YIPF7: variants seen among roughly 807,000 people sequenced by gnomAD.
The protein encoded by YIPF7 is Yip1 domain family member 7, also known as protein YIPF7.
A neutral mutation model predicts 27.2 loss-of-function variants in YIPF7; 35 were observed. The observed-to-expected ratio is 1.29, with a 90% CI of 0.98 to 1.70. The LOEUF is 1.70. YIPF7 is among the 40% of genes most tolerant of loss of function. The pLI, the probability that YIPF7 is intolerant of heterozygous loss-of-function variation, is 0.00. For missense variants in YIPF7, 358 were observed against 303.7 expected (o/e 1.18, Z -1.33); for synonymous variants, 137 against 110.4 (o/e 1.24, Z -1.51).
At chr4:44,639,148 T>C (rs1247160089) in intron 2 of YIPF7, among the ~76,000 whole-genome samples, 1 of 152,178 alleles carries the variant, frequency 6.6e-6, no homozygotes, top group East Asian at 1.9e-4. Context: ...TGTTCATTTT[T>C]CTCAGAATTG....
At chr4:44,632,240 TAAA>T (rs1712928833) in intron 3 of YIPF7, among the ~76,000 whole-genome samples, 1 of 152,132 alleles carries the variant, frequency 6.6e-6, no homozygotes, top group Non-Finnish European at 1.5e-5. Context: ...TTGTACAAAA[TAAA>T]AGAAGATAAA....
chr4:44,628,882 G>A (rs903949631), intron 4 of YIPF7, among the ~76,000 whole-genome samples: 6 of 152,148 alleles, frequency 3.9e-5, no homozygotes, highest in Non-Finnish European at 7.4e-5. Flanking sequence ...AAATATGTAG[G>A]TTGAGTAAAC....
intron 2 of YIPF7, among the ~76,000 whole-genome samples, chr4:44,643,155 A>G (rs1000729908): frequency 6.6e-6 from 1 of 152,212 alleles, no homozygotes; most frequent in African/African-American, 2.4e-5. Flanking sequence ...TGGACAATGA[A>G]GTCTAGGCTG....
chr4:44,634,761 T>G (rs756185260), intron 3 of YIPF7, among the ~76,000 whole-genome samples: 2 of 152,150 alleles, frequency 1.3e-5, no homozygotes, highest in Admixed American at 1.3e-4. Context: ...ATTGAAGTAA[T>G]TTTTATATTT....
intron 4 of YIPF7, among the ~76,000 whole-genome samples, chr4:44,625,828 A>T (rs1712614992): frequency 6.6e-6 from 1 of 152,178 alleles, no homozygotes; most frequent in Admixed American, 6.5e-5. Context: ...AGCTACAGTT[A>T]AAAAAATTCA....
Position 44,643,559 on chromosome 4 carries a change from A to G in YIPF7, c.116+6426T>C, listed in dbSNP as rs77247585. 5.1e-4 allele frequency among the ~76,000 whole-genome samples: 77 copies of G among 152,334 alleles called. 1 individual carries two copies. In the East Asian group the frequency reaches 0.014, roughly 28 times the overall value. ...AAGTTAAAAAAAAGAGCCATGTGCT[A>G]TTAGTCAAGAAAACAGGAAAAGGAC... On this transcript the variant is annotated intron_variant, in intron 2 of 5. Transcript: ENST00000415895.
At position 44,650,004 on chromosome 4, in the gene YIPF7, T is replaced by C; in HGVS notation, c.97A>G (p.Asn33Asp). The C allele has an allele frequency of 6.4e-7, 1 of 1,562,586 alleles. No individual in the cohort carries two copies. The highest frequency in any genetic ancestry group is 1.2e-5 in the South Asian group (1 of 82,838). Residue 33 changes from asparagine to aspartate, a missense_variant, in exon 2 of 6, where the codon AAT (asparagine) becomes GAT (aspartate). Physicochemically the swap from Asn to Asp is conservative, Grantham distance 23 (BLOSUM62 1). Coordinates refer to ENST00000415895, the MANE Select transcript of YIPF7 (RefSeq NM_182592.3). ...QSGNDSNAYG[N>D]LYGSRKQQAG... ...ACTTACTTTCTAGATCCATAAAGAT[T>C]TCCATAGGCATTAGAGTCATTACCA...
At chr4:44,628,796 A>C (rs1398319078) in intron 4 of YIPF7, among the ~76,000 whole-genome samples, 1 of 152,210 alleles carries the variant, frequency 6.6e-6, no homozygotes. Flanking sequence ...ATAAAGAATG[A>C]AAGCATACAT....
chr4:44,624,028 C>G (rs1452541067), intron 5 of YIPF7, among the ~76,000 whole-genome samples: 1 of 150,816 alleles, frequency 6.6e-6, no homozygotes, highest in Non-Finnish European at 1.5e-5. Flanking sequence ...AATCTGACAA[C>G]TTAAAAAGTG....
At chr4:44,647,109 T>C (rs1468168226) in intron 2 of YIPF7, among the ~76,000 whole-genome samples, 1 of 152,186 alleles carries the variant, frequency 6.6e-6, no homozygotes, top group Non-Finnish European at 1.5e-5. Context: ...TAAATGTTGC[T>C]GCATCCAAAT....
chr4:44,641,095 A>G (rs1344100039), intron 2 of YIPF7, among the ~76,000 whole-genome samples: 1 of 152,094 alleles, frequency 6.6e-6, no homozygotes, highest in Non-Finnish European at 1.5e-5. Flanking sequence ...CCCCAGCAGG[A>G]AAGTGGACCA....
chr4:44,639,298 A>T (rs948708302), intron 2 of YIPF7, among the ~76,000 whole-genome samples: 31 of 152,244 alleles, frequency 2.0e-4, no homozygotes, highest in African/African-American at 7.0e-4. Flanking sequence ...GGTCATTTAA[A>T]CAATATTAAT....
intron 5 of YIPF7, among the ~76,000 whole-genome samples, chr4:44,623,526 G>T (rs1305278432): frequency 1.3e-5 from 2 of 152,180 alleles, no homozygotes; most frequent in African/African-American, 4.8e-5. Context: ...TTGTGAAAAT[G>T]ATAGAAATAT....
chr4:44,651,298 G>T (rs1446440935), intron 1 of YIPF7, among the ~76,000 whole-genome samples: 1 of 152,138 alleles, frequency 6.6e-6, no homozygotes, highest in Non-Finnish European at 1.5e-5. Flanking sequence ...TATGAATTAT[G>T]TAAACTGAAA....
At chr4:44,636,609 T>C (rs1439517912) in intron 2 of YIPF7, among the ~76,000 whole-genome samples, 1 of 152,096 alleles carries the variant, frequency 6.6e-6, no homozygotes, top group Non-Finnish European at 1.5e-5. Flanking sequence ...AATAGTATAG[T>C]CAACTGATAG....
intron 2 of YIPF7, among the ~76,000 whole-genome samples, chr4:44,647,019 A>T (rs542537885): frequency 1.8e-4 from 28 of 152,272 alleles, no homozygotes; most frequent in African/African-American, 6.5e-4. Context: ...ACCTGACTCC[A>T]TGTTTTACGT....
upstream of YIPF7, among the ~76,000 whole-genome samples, chr4:44,654,348 G>T (rs1713827203): frequency 6.6e-6 from 1 of 151,950 alleles, no homozygotes; most frequent in Middle Eastern, 3.2e-3. Context: ...GACCAAAAAG[G>T]CTGCATTAGG....
intron 3 of YIPF7, among the ~76,000 whole-genome samples, chr4:44,632,685 T>C (rs1298200550): frequency 2.6e-5 from 4 of 152,226 alleles, no homozygotes; most frequent in Non-Finnish European, 5.9e-5. Flanking sequence ...TAAATGTTAT[T>C]TAATGCGTTA....
At chr4:44,660,039 G>A (rs1714001131) in intron 2 of YIPF7, among the ~76,000 whole-genome samples, 2 of 144,240 alleles carry the variant, frequency 1.4e-5, no homozygotes, top group South Asian at 2.2e-4. Context: ...GCGTGAACCT[G>A]GGAGGCAGAG....
Sources: gnomAD v4.1 joint callset for allele counts (sites outside exome capture counted in the v4.1 genomes callset) on GRCh38, gnomAD v4.1.1 for gene constraint, MANE v1.5 for transcripts, NCBI Gene and HGNC (gene_info 2026-07-23, HGNC 2026-07-21) for gene names.